CACNA1S: variants seen among roughly 807,000 people sequenced by gnomAD.
CACNA1S encodes the protein calcium voltage-gated channel subunit alpha1 S, also known as voltage-dependent L-type calcium channel subunit alpha-1S.
Under a neutral mutation model 207.4 loss-of-function variants are expected in CACNA1S, and 126 were observed. That is an observed-to-expected ratio of 0.61 (90% CI 0.53 to 0.70). The LOEUF is 0.70. Ranked by LOEUF, CACNA1S falls within the 30% of genes least tolerant of loss-of-function variation. The pLI is 0.00. For synonymous variants in CACNA1S, 960 were observed against 932.7 expected, an observed-to-expected ratio of 1.03 and a Z score of -0.53; for missense variants, 2,349 against 2,422.8, an observed-to-expected ratio of 0.97 and a Z score of 0.64.
At position 201,053,448 on chromosome 1, in the gene CACNA1S, C is replaced by T; in HGVS notation, c.3795+11G>A. ...CCCAGGTACGTGCAGTTTCCAGGGT[C>T]CCTGTTGCACCTGGAAGGACTTGAT... On this transcript the variant is annotated intron_variant, in intron 30 of 43. Transcript: ENST00000362061. This position sits in a 1 kb window ranked among gnomAD's most constrained non-coding sequence, Gnocchi z 5.1. 2 of 1,614,140 alleles carry T rather than the reference C, an allele frequency of 1.2e-6. No individual in the cohort carries two copies. Among genetic ancestry groups the T allele is most frequent in the South Asian group, 1.1e-5 (1 of 91,082 alleles).
Position 201,099,626 on chromosome 1 carries a change from C to T in CACNA1S, c.259-5605G>A, listed in dbSNP as rs116692779. ...GCTGAGGAGGAGGAAGCCCAGGGTGCTTGCAGGGAGCTCAGGCTGGGGTGG... is the reference window on the plus strand; with the variant it reads ...GCTGAGGAGGAGGAAGCCCAGGGTGTTTGCAGGGAGCTCAGGCTGGGGTGG... On this transcript the variant is annotated intron_variant, in intron 2 of 43. Coordinates refer to ENST00000362061, the MANE Select transcript of CACNA1S (RefSeq NM_000069.3). Among the ~76,000 whole-genome samples, 693 of 152,318 alleles carry T rather than the reference C, an allele frequency of 4.5e-3. 2 individuals carry two copies. Among genetic ancestry groups the T allele is most frequent in the African/African-American group, 0.016 (649 of 41,566 alleles).
At chr1:201,074,646 T>C in intron 13 of CACNA1S, 26 bp from the exon 14 acceptor site, 1 of 1,494,042 alleles carries the variant, frequency 6.7e-7, no homozygotes. Flanking sequence ...TAAGGAGCCT[T>C]TGGTTGTAGG....
chr1:201,091,926 C>T lies in CACNA1S; in HGVS notation c.541+46G>A, dbSNP rs749789354. 18 of 1,612,486 alleles carry T rather than the reference C, an allele frequency of 1.1e-5. No homozygotes were observed. In the East Asian group the frequency reaches 4.0e-4, roughly 36 times the overall value. On this transcript the variant is annotated intron_variant, in intron 4 of 43. Coordinates refer to ENST00000362061, the MANE Select transcript of CACNA1S (RefSeq NM_000069.3). ...GACCCAGAACTGGGGGACAAGGGAA[C>T]AGGAAGGGAGAGGAGAAAGGGGTCT...
At chr1:201,086,389 G>A (rs750709933) in intron 7 of CACNA1S, among the ~76,000 whole-genome samples, 15 of 152,248 alleles carry the variant, frequency 9.9e-5, no homozygotes, top group Non-Finnish European at 2.2e-4. Context: ...TGACTGGGAT[G>A]CGTTCTGAGA....
At chr1:201,059,156 C>T (rs1291165588) in intron 27 of CACNA1S, 33 bp downstream of exon 27, 3 of 1,404,874 alleles carry the variant, frequency 2.1e-6, no homozygotes, top group Admixed American at 1.7e-5. Context: ...CCAGCCCCAG[C>T]TTCTCATCTG....
intron 40 of CACNA1S, chr1:201,042,022 A>G: frequency 3.4e-6 from 1 of 290,114 alleles, no homozygotes; most frequent in South Asian, 3.8e-5. Flanking sequence ...TCTAATGCAC[A>G]GCCAAGGCTG....
chr1:201,052,784 A>G, intron 31 of CACNA1S, 136 bp from the exon 32 acceptor site: 1 of 734,466 alleles, frequency 1.4e-6, no homozygotes, highest in Non-Finnish European at 2.4e-6. Context: ...GGGCCACATC[A>G]GACCTGAAGC....
chr1:201,083,205 G>A lies in CACNA1S; in HGVS notation c.1350C>T (p.Ala450=), dbSNP rs1558075481. The A allele has an allele frequency of 3.1e-6, 5 of 1,614,234 alleles. No individual in the cohort carries two copies. The highest frequency in any genetic ancestry group is 4.2e-6 in the Non-Finnish European group (5 of 1,180,036). The change falls in exon 10 of 44, where the codon GCC becomes GCT. Residue 450 remains alanine, a synonymous_variant. Coordinates refer to ENST00000362061, the MANE Select transcript of CACNA1S (RefSeq NM_000069.3). The part of the protein sequence containing the change: ...LIVALNTLSI[A]SEHHNQPLWL... ...AGAGAGGCTGGTTGTGGTGCTCTGAGGCGATAGACAGGGTGTTGAGGGCAA... is the reference window on the plus strand; with the variant it reads ...AGAGAGGCTGGTTGTGGTGCTCTGAAGCGATAGACAGGGTGTTGAGGGCAA...
intron 28 of CACNA1S, among the ~76,000 whole-genome samples, chr1:201,057,908 C>T (rs1214477216): frequency 3.3e-5 from 5 of 152,230 alleles, no homozygotes; most frequent in South Asian, 2.1e-4. Context: ...CTGAAGCCCA[C>T]TCTCACCGCT....
chr1:201,059,414 C>G (rs1660966353), intron 26 of CACNA1S, 115 bp from the exon 27 acceptor site: 2 of 646,316 alleles, frequency 3.1e-6, no homozygotes, highest in Non-Finnish European at 5.5e-6. Flanking sequence ...TTCTTGGGCC[C>G]CCTGCTCACT....
At chr1:201,100,032 T>A (rs1162232520) in intron 2 of CACNA1S, among the ~76,000 whole-genome samples, 1 of 152,134 alleles carries the variant, frequency 6.6e-6, no homozygotes, top group South Asian at 2.1e-4. Context: ...CCCTGTCACC[T>A]GCACACTGCC....
intron 37 of CACNA1S, 113 bp downstream of exon 37, chr1:201,047,412 G>T (rs957526348): frequency 8.1e-7 from 1 of 1,231,608 alleles, no homozygotes; most frequent in Non-Finnish European, 1.2e-6. Flanking sequence ...TCTACCTAAG[G>T]CATTTATGGA....
In CACNA1S at chr1:201,052,552, C is replaced by A. The variant is rs752722907; in HGVS notation, c.3953+5G>T. 9 of 1,610,464 alleles carry A rather than the reference C, an allele frequency of 5.6e-6. No homozygotes were observed. Among genetic ancestry groups the A allele is most frequent in the Non-Finnish European group, 7.6e-6 (9 of 1,176,914 alleles). ...GTAGGGGTGGGGGTGGCGGGAGACG[C>A]GTGCCTGAAGAGCAGTAGCACAGCT... On this transcript the variant is annotated splice_donor_5th_base_variant and intron_variant, in intron 32 of 43. Coordinates refer to ENST00000362061, the MANE Select transcript of CACNA1S (RefSeq NM_000069.3).
intron 2 of CACNA1S, among the ~76,000 whole-genome samples, chr1:201,095,000 C>T (rs564391602): frequency 6.6e-6 from 1 of 152,184 alleles, no homozygotes; most frequent in South Asian, 2.1e-4. Context: ...CATCTGAACC[C>T]TGGCTTGGCA....
In CACNA1S at chr1:201,040,066, C is replaced by T. The variant is rs746407476; in HGVS notation, c.5387G>A (p.Gly1796Asp). ...LLIQKALVRG[G>D]LGTLAADANF... ...TGCATCAGCTGCCAAGGTGCCCAGG[C>T]CCCCTCGAACCAGAGCCTGCAGGGA... The change falls in exon 44 of 44, where the codon GGC (glycine) becomes GAC (aspartate). Residue 1796 changes from glycine to aspartate, a missense_variant. Physicochemically the swap from Gly to Asp is moderately conservative, Grantham distance 94 (BLOSUM62 -1). Coordinates refer to ENST00000362061, the MANE Select transcript of CACNA1S (RefSeq NM_000069.3). 1.1e-5 allele frequency: 17 copies of T among 1,614,080 alleles called. No homozygotes were observed. Among genetic ancestry groups the T allele is most frequent in the Admixed American group, 3.3e-5 (2 of 60,014 alleles).
rs368487588 is a variant in CACNA1S at position 201,100,989 on chromosome 1, G to A, written c.259-6968C>T. Among the ~76,000 whole-genome samples the A allele has an allele frequency of 6.4e-4, 97 of 152,158 alleles. No individual in the cohort carries two copies. The East Asian group carries it at 7.3e-3, about 11-fold the overall frequency. On this transcript the variant is annotated intron_variant, in intron 2 of 43. Transcript: ENST00000362061. ...AATGAATCTCTTTAGCCTAGAAAGCGGATACTCTCAATAGTATTAATGTCA... is the reference window on the plus strand; with the variant it reads ...AATGAATCTCTTTAGCCTAGAAAGCAGATACTCTCAATAGTATTAATGTCA...
In CACNA1S at chr1:201,076,482, A is replaced by G. The variant is rs184204421; in HGVS notation, c.1827+438T>C. ...ACAGCCATGCTCCCTTGGGTGGCTG[A>G]TAGTGAATCGGCTGTGCCGCCCCTG... On this transcript the variant is annotated intron_variant, in intron 12 of 43. Transcript: ENST00000362061. Among the ~76,000 whole-genome samples, 13 of 152,358 alleles carry G rather than the reference A, an allele frequency of 8.5e-5. No individual in the cohort carries two copies. In the East Asian group the frequency reaches 2.5e-3, roughly 29 times the overall value.
At position 201,078,089 on chromosome 1, in the gene CACNA1S, A is replaced by C; in HGVS notation, c.1409T>G (p.Val470Gly). 6.2e-7 allele frequency: 1 copy of C among 1,614,008 alleles called. No homozygotes were observed. The highest frequency in any genetic ancestry group is 8.5e-7 in the Non-Finnish European group (1 of 1,179,932). The change falls in exon 11 of 44, where the codon GTG becomes GGG. Residue 470 changes from valine (V) to glycine (G), a missense_variant. Coordinates refer to ENST00000362061, the MANE Select transcript of CACNA1S (RefSeq NM_000069.3). ...CTCAGTGGTGAAGAGGGACAGCAGC[A>C]CCCGGTTGGCAATGTCTGTAGGGTT... is the stretch of plus-strand genomic sequence containing the variant. ...LTRLQDIANR[V>G]LLSLFTTEML...
chr1:201,050,532 C>G lies in CACNA1S; in HGVS notation c.4114-16G>C. 6 of 1,613,766 alleles carry G rather than the reference C, an allele frequency of 3.7e-6. No individual in the cohort carries two copies. The South Asian group carries it at 5.5e-5, about 15-fold the overall frequency. ...GGTTGATGACCTGCAAGAGAAGAAC[C>G]AAGGGGTCCCAACACAGAAAGGCAG... On this transcript the variant is annotated splice_polypyrimidine_tract_variant and intron_variant, in intron 33 of 43. Coordinates refer to ENST00000362061, the MANE Select transcript of CACNA1S (RefSeq NM_000069.3).
Sources: allele counts gnomAD v4.1 joint callset (sites outside exome capture counted in the v4.1 genomes callset), GRCh38; gene constraint gnomAD v4.1.1; non-coding constraint Gnocchi (gnomAD v3.1); transcripts MANE v1.5; gene names NCBI Gene and HGNC (gene_info 2026-07-23, HGNC 2026-07-21).